SLC41A3: variants seen among roughly 807,000 people sequenced by gnomAD.
The protein encoded by SLC41A3 is SLC41A1-like 2.
In SLC41A3, 44 loss-of-function variants were observed where a neutral mutation model predicts 45.4. The ratio of observed to expected loss-of-function variants is 0.97; its 90% CI spans 0.76 to 1.25. The LOEUF (loss-of-function observed/expected upper bound fraction) is 1.25, where lower values mean the gene tolerates loss of function less well. SLC41A3 is among the 50% of genes most tolerant of loss of function. The pLI is 0.00. For missense variants in SLC41A3, 550 were observed against 600.6 expected, an observed-to-expected ratio of 0.92 and a Z score of 0.88; for synonymous variants, 256 against 252.4, an observed-to-expected ratio of 1.01 and a Z score of -0.13.
chr3:126,098,600 G>A (rs1219083543), intron 1 of SLC41A3, among the ~76,000 whole-genome samples: 2 of 152,360 alleles, frequency 1.3e-5, no homozygotes, highest in Admixed American at 6.5e-5. Flanking sequence ...GATGGACCAC[G>A]GGGGAGGTCT....
At chr3:126,056,297 G>A (rs909513159) in intron 2 of SLC41A3, 2 of 1,570,858 alleles carry the variant, frequency 1.3e-6, no homozygotes, top group Non-Finnish European at 8.7e-7. Flanking sequence ...CCTGTCTGTG[G>A]TGCCAGGAGA....
chr3:126,028,586 G>T (rs548905067), intron 4 of SLC41A3, among the ~76,000 whole-genome samples: 2 of 152,374 alleles, frequency 1.3e-5, no homozygotes, highest in East Asian at 3.9e-4. Context: ...TGGGGGAAAT[G>T]TGGGGTTGGA....
intron 1 of SLC41A3, among the ~76,000 whole-genome samples, chr3:126,089,553 G>A (rs1945451948): frequency 6.6e-6 from 1 of 152,182 alleles, no homozygotes. Flanking sequence ...ATGGGAACTA[G>A]TAAGGTTTTC....
intron 1 of SLC41A3, among the ~76,000 whole-genome samples, chr3:126,080,247 C>G (rs750157923): frequency 1.7e-4 from 26 of 151,846 alleles, no homozygotes; most frequent in Non-Finnish European, 2.5e-4. Context: ...TTCTGCACAG[C>G]AAAGGAAACA....
chr3:126,095,322 G>A (rs2108137687), intron 1 of SLC41A3: 2 of 603,084 alleles, frequency 3.3e-6, no homozygotes, highest in Non-Finnish European at 2.9e-6. Context: ...TGCTCAGGAG[G>A]ACCCCAACTG....
intron 6 of SLC41A3, among the ~76,000 whole-genome samples, chr3:126,017,739 T>C (rs529005214): frequency 3.9e-5 from 6 of 152,284 alleles, no homozygotes; most frequent in African/African-American, 1.4e-4. Context: ...CTGTGTCCCA[T>C]GTACTCCCTC....
intron 8 of SLC41A3, among the ~76,000 whole-genome samples, chr3:126,013,967 C>T (rs1039485798): frequency 6.6e-5 from 10 of 152,146 alleles, no homozygotes; most frequent in African/African-American, 2.4e-4. Context: ...CTCCGGGATC[C>T]CACAGGGTAT....
At chr3:126,017,486 G>A (rs1940421717) in intron 6 of SLC41A3, among the ~76,000 whole-genome samples, 1 of 152,264 alleles carries the variant, frequency 6.6e-6, no homozygotes, top group Admixed American at 6.5e-5. Context: ...AGAGGCCAGT[G>A]AAGACTGGGC....
At chr3:126,056,181 T>TG (rs1334613515) in intron 2 of SLC41A3, among the ~76,000 whole-genome samples, 1 of 152,144 alleles carries the variant, frequency 6.6e-6, no homozygotes, top group Non-Finnish European at 1.5e-5. Flanking sequence ...GTCTCAGCGT[T>TG]GGAGGTCCCT....
intron 1 of SLC41A3, chr3:126,070,383 G>C (rs1248126111): frequency 1.3e-5 from 2 of 152,240 alleles, no homozygotes; most frequent in Non-Finnish European, 2.9e-5. Flanking sequence ...AGGGGATCTA[G>C]GTTGTGTGCT....
intron 1 of SLC41A3, among the ~76,000 whole-genome samples, chr3:126,076,614 T>C (rs1944890913): frequency 6.6e-6 from 1 of 152,180 alleles, no homozygotes. Flanking sequence ...AGCACACTTA[T>C]ACTCCCACTA....
intron 6 of SLC41A3, among the ~76,000 whole-genome samples, 164 bp downstream of exon 6, chr3:126,022,622 T>G (rs12486459): frequency 0.17 from 26,284 of 152,236 alleles, 2,399 homozygotes; most frequent in Middle Eastern, 0.27. Context: ...CTTTCATTAC[T>G]GCCAAGTTAG....
chr3:126,070,933 A>G (rs1243999501), intron 1 of SLC41A3, among the ~76,000 whole-genome samples: 1 of 152,194 alleles, frequency 6.6e-6, no homozygotes, highest in Non-Finnish European at 1.5e-5. Flanking sequence ...TTAAGTTGTT[A>G]TTGATCCAAA....
Position 126,026,305 on chromosome 3 carries a change from G to A in SLC41A3, c.598+30C>T. The A allele has an allele frequency of 6.4e-7, 1 of 1,552,894 alleles. No individual in the cohort carries two copies. The highest frequency in any genetic ancestry group is 8.7e-7 in the Non-Finnish European group (1 of 1,147,484). ...GGGACCTCAGAGGAGCAGGGAGCGG[G>A]TGGGGGCTCACAGCTGGGGCATGGC... On this transcript the variant is annotated intron_variant, in intron 5 of 10. Transcript: ENST00000360370. This position sits in a 1 kb window ranked among gnomAD's most constrained non-coding sequence, Gnocchi z 4.2.
rs376454238 is a variant in SLC41A3 at position 126,068,231 on chromosome 3, T to C, written c.-12A>G. 6.6e-7 allele frequency: 1 copy of C among 1,504,474 alleles called. No homozygotes were observed. The highest frequency in any genetic ancestry group is 8.9e-7 in the Non-Finnish European group (1 of 1,127,782). The allele number at this position is 1,504,474 out of a possible 1,614,324, so 93.2% of individuals were successfully genotyped here. A position where few individuals can be genotyped will look rare whatever the true frequency, so the allele number is the denominator to read the frequency against. On this transcript the variant is annotated 5_prime_UTR_variant, in exon 2 of 11. Coordinates refer to ENST00000360370, the MANE Select transcript of SLC41A3 (RefSeq NM_017836.4). ...TCTGTCCCATCCATCTGGGCACAGC[T>C]GGGCGCCTGGCAGCCCTACAGTGGG...
At chr3:126,085,945 C>T (rs1450376172), upstream of SLC41A3, among the ~76,000 whole-genome samples, 1 of 152,116 alleles carries the variant, frequency 6.6e-6, no homozygotes, top group Non-Finnish European at 1.5e-5. Flanking sequence ...ATTTTGAGCC[C>T]TCTCAAAGGT....
chr3:126,006,511 G>A lies in SLC41A3; in HGVS notation c.*505C>T, dbSNP rs1559797038. Reference sequence around the variant, plus strand: ...AAGGGTTGTATGAGGCCCCATCCTGGGGAGGCTGTACACCTTCTTGGCACA... The same window carrying A: ...AAGGGTTGTATGAGGCCCCATCCTGAGGAGGCTGTACACCTTCTTGGCACA... On this transcript the variant is annotated 3_prime_UTR_variant, in exon 11 of 11. Transcript: ENST00000360370. The A allele has an allele frequency of 3.1e-6, 5 of 1,613,918 alleles. No individual in the cohort carries two copies. The highest frequency in any genetic ancestry group is 8.5e-7 in the Non-Finnish European group (1 of 1,180,014).
rs201541571 is a variant in SLC41A3 at position 126,007,173 on chromosome 3, T to C, written c.1307A>G (p.Gln436Arg). Residue 436 changes from glutamine to arginine, a missense_variant, in exon 11 of 11, where the codon CAG becomes CGG. Transcript: ENST00000360370. ...GCAGTGGTTGTCAGGATCCAGGGCC[T>C]GGTGCCAAGTCAGCCGAACCATCAC... The part of the protein sequence containing the change: ...AEVMVRLTWH[Q>R]ALDPDNHCIP... 204 of 1,614,192 alleles carry C rather than the reference T, an allele frequency of 1.3e-4. 1 individual carries two copies. The East Asian group carries it at 4.4e-3, about 35-fold the overall frequency.
intron 6 of SLC41A3, among the ~76,000 whole-genome samples, chr3:126,022,307 C>G (rs1940955306): frequency 6.6e-6 from 1 of 152,218 alleles, no homozygotes; most frequent in South Asian, 2.1e-4. Flanking sequence ...CCCTACTTCT[C>G]AGTATCAATT....
Sources: allele counts gnomAD v4.1 joint callset (sites outside exome capture counted in the v4.1 genomes callset), GRCh38; gene constraint gnomAD v4.1.1; non-coding constraint Gnocchi (gnomAD v3.1); transcripts MANE v1.5; gene names NCBI Gene and HGNC (gene_info 2026-07-23, HGNC 2026-07-21).